Variants in ADAM22 observed in about 807,000 individuals in gnomAD.
The protein encoded by ADAM22 is ADAM metallopeptidase domain 22, also known as disintegrin and metalloproteinase domain-containing protein 22.
A neutral mutation model predicts 144.6 loss-of-function variants in ADAM22; 65 were observed. The observed-to-expected ratio is 0.45, with a 90% CI of 0.37 to 0.55. The LOEUF is 0.55. Among genes scored for constraint, ADAM22 ranks in the 20% least tolerant of loss-of-function variants. ADAM22 has a pLI of 0.00. For synonymous variants in ADAM22, 391 were observed against 412.6 expected (o/e 0.95, Z 0.63); for missense variants, 974 against 1,184.9 (o/e 0.82, Z 2.61).
At chr7:88,046,325 GT>G (rs758102325) in intron 3 of ADAM22, among the ~76,000 whole-genome samples, 2 of 152,144 alleles carry the variant, frequency 1.3e-5, no homozygotes, top group Non-Finnish European at 2.9e-5. Flanking sequence ...TATTAATGAT[GT>G]TGAGTATTTT....
chr7:87,974,394 A>G (rs1334250765), intron 2 of ADAM22, among the ~76,000 whole-genome samples: 1 of 152,158 alleles, frequency 6.6e-6, no homozygotes, highest in Non-Finnish European at 1.5e-5. Flanking sequence ...TGGGGAAGGT[A>G]GGTTCCTGAA....
chr7:88,128,110 A>C (rs1157480564), intron 8 of ADAM22, among the ~76,000 whole-genome samples: 1 of 151,986 alleles, frequency 6.6e-6, no homozygotes, highest in Non-Finnish European at 1.5e-5. Context: ...TAAAAGTGCC[A>C]ATCACTCCAG....
intron 17 of ADAM22, among the ~76,000 whole-genome samples, chr7:88,148,038 T>TA (rs561545972): frequency 1.5e-4 from 22 of 151,184 alleles, no homozygotes; most frequent in Admixed American, 2.0e-4. Context: ...TTGGGTCTTC[T>TA]AAAAAAAAAT....
intron 22 of ADAM22, among the ~76,000 whole-genome samples, chr7:88,158,431 C>CA (rs1840616189): frequency 6.6e-6 from 1 of 152,054 alleles, no homozygotes; most frequent in Non-Finnish European, 1.5e-5. Context: ...ACTCTCCACC[C>CA]AAAAACAACA....
chr7:88,111,099 T>C (rs1333424107), intron 5 of ADAM22, among the ~76,000 whole-genome samples: 1 of 152,022 alleles, frequency 6.6e-6, no homozygotes, highest in Non-Finnish European at 1.5e-5. Context: ...ACAGAAAACC[T>C]ATCGTGTGTC....
intron 4 of ADAM22, among the ~76,000 whole-genome samples, chr7:88,096,573 T>G (rs1821385947): frequency 6.6e-6 from 1 of 151,114 alleles, no homozygotes; most frequent in African/African-American, 2.4e-5. Flanking sequence ...TTAGAAATAA[T>G]ATAATATTTT....
At chr7:88,181,878 C>T in intron 28 of ADAM22, 80 bp from the exon 29 acceptor site, 1 of 1,248,680 alleles carries the variant, frequency 8.0e-7, no homozygotes, top group Non-Finnish European at 1.2e-6. Flanking sequence ...ATCAATTATA[C>T]CCACTTGAAA....
Position 88,165,846 on chromosome 7 carries a change from G to A in ADAM22, c.2091G>A (p.Glu697=). Residue 697 remains glutamate (E), a synonymous_variant, in exon 24 of 32, where the codon GAG becomes GAA. Transcript: ENST00000413139. ...ICSGNGVCSN[E]LKCVCNRHWI... ...TTGGATCTCAGGTTTGCAGTAATGA[G>A]CTGAAGTGTGTGTGTAACAGACACT... 2 of 1,608,100 alleles carry A rather than the reference G, an allele frequency of 1.2e-6. No individual in the cohort carries two copies. Among genetic ancestry groups the A allele is most frequent in the Non-Finnish European group, 1.7e-6 (2 of 1,177,494 alleles).
intron 3 of ADAM22, among the ~76,000 whole-genome samples, chr7:88,056,718 A>G (rs1157787815): frequency 6.6e-6 from 1 of 152,228 alleles, no homozygotes; most frequent in Non-Finnish European, 1.5e-5. Context: ...CAAAAAATTT[A>G]GTAATTTTCC....
chr7:87,934,869 G>T (rs1029242605), intron 1 of ADAM22, 157 bp from the exon 2 acceptor site: 6 of 1,047,092 alleles, frequency 5.7e-6, no homozygotes, highest in Non-Finnish European at 8.6e-6. Flanking sequence ...CTCTCGGGCT[G>T]GTGTCTCTGC....
chr7:88,028,915 C>T (rs1461443885), intron 3 of ADAM22, among the ~76,000 whole-genome samples: 3 of 151,886 alleles, frequency 2.0e-5, no homozygotes, highest in Non-Finnish European at 2.9e-5. Context: ...AAGTATATGT[C>T]TTATAGACAA....
intron 25 of ADAM22, chr7:88,168,479 G>T: frequency 2.0e-6 from 1 of 497,826 alleles, no homozygotes; most frequent in Non-Finnish European, 3.9e-6. Flanking sequence ...GAAGTGAATT[G>T]AAACCAGTCT....
rs182036693 is a variant in ADAM22, at chr7:88,080,408, T to C, written c.390+4716T>C. On this transcript the variant is annotated intron_variant, in intron 4 of 31. Coordinates refer to ENST00000413139, the MANE Select transcript of ADAM22 (RefSeq NM_001324418.2). ...AAGAGAAAGCAGGAAAGGTGTAAAA[T>C]TGACACCCTAACATCACAATTGGAA... 6.6e-5 allele frequency among the ~76,000 whole-genome samples: 10 copies of C among 152,084 alleles called. No homozygotes were observed. The East Asian group carries it at 1.4e-3, about 21-fold the overall frequency.
chr7:88,045,309 C>T (rs905925380), intron 3 of ADAM22, among the ~76,000 whole-genome samples: 7 of 152,188 alleles, frequency 4.6e-5, no homozygotes, highest in African/African-American at 1.7e-4. Context: ...TGAGCCACCG[C>T]ACCAGGCCTA....
At chr7:88,089,836 G>A (rs767990844) in intron 4 of ADAM22, 2 of 152,170 alleles carry the variant, frequency 1.3e-5, no homozygotes, top group Non-Finnish European at 2.9e-5. Flanking sequence ...GTGGAGATGG[G>A]GAGGCTGCTT....
chr7:87,964,985 T>G (rs1848719617), intron 2 of ADAM22, among the ~76,000 whole-genome samples: 1 of 152,208 alleles, frequency 6.6e-6, no homozygotes, highest in African/African-American at 2.4e-5. Flanking sequence ...TAGTCTGTTT[T>G]CTCTCTTTCT....
chr7:88,140,622 C>T (rs959216660), intron 14 of ADAM22, among the ~76,000 whole-genome samples: 2 of 152,076 alleles, frequency 1.3e-5, no homozygotes, highest in African/African-American at 4.8e-5. Flanking sequence ...TTGGGAGGAT[C>T]GCTTGAGCCC....
intron 30 of ADAM22, among the ~76,000 whole-genome samples, chr7:88,191,807 T>C (rs147494558): frequency 6.6e-6 from 1 of 152,284 alleles, no homozygotes; most frequent in African/African-American, 2.4e-5. Flanking sequence ...TTTTCAAAAA[T>C]AGGAGTTACA....
At chr7:88,155,747 A>T in intron 21 of ADAM22, 140 bp from the exon 22 acceptor site, 3 of 951,134 alleles carry the variant, frequency 3.2e-6, no homozygotes, top group Non-Finnish European at 4.5e-6. Flanking sequence ...ACTAATTTGG[A>T]CTTATTTTAT....
Sources: allele counts gnomAD v4.1 joint callset (sites outside exome capture counted in the v4.1 genomes callset), GRCh38; gene constraint gnomAD v4.1.1; transcripts MANE v1.5; gene names NCBI Gene and HGNC (gene_info 2026-07-23, HGNC 2026-07-21).